The following FAM13A variants were observed in gnomAD, a reference collection of about 807,000 sequenced individuals.
FAM13A encodes protein FAM13A.
In FAM13A, 76 loss-of-function variants were observed where a neutral mutation model predicts 129.6. The observed-to-expected ratio is 0.59, with a 90% CI of 0.49 to 0.71. The LOEUF (loss-of-function observed/expected upper bound fraction) is 0.71. Among genes scored for constraint, FAM13A ranks in the 30% least tolerant of loss-of-function variants. FAM13A has a pLI of 0.00. For missense variants in FAM13A, 1,108 were observed against 1,249.3 expected, an observed-to-expected ratio of 0.89 and a Z score of 1.70; for synonymous variants, 443 against 449.9, an observed-to-expected ratio of 0.98 and a Z score of 0.20.
chr4:89,000,143 G>A (rs1046111740), intron 3 of FAM13A, among the ~76,000 whole-genome samples: 1 of 152,048 alleles, frequency 6.6e-6, no homozygotes, highest in Non-Finnish European at 1.5e-5. Context: ...AACTATGTTA[G>A]AAAATAGTTA....
Position 88,892,041 on chromosome 4 carries a change from G to A in FAM13A, c.843+14338C>T, listed in dbSNP as rs772470829. ...AAAATAAAACAATTAGCTGGGCATG[G>A]TGGCCACTTGTAGTCTAAGCTATTC... On this transcript the variant is annotated intron_variant, in intron 6 of 23. Coordinates refer to ENST00000264344, the MANE Select transcript of FAM13A (RefSeq NM_014883.4). 3.3e-5 allele frequency among the ~76,000 whole-genome samples: 5 copies of A among 152,132 alleles called. No individual in the cohort carries two copies. In the East Asian group the frequency reaches 9.7e-4, roughly 29 times the overall value.
At chr4:88,758,173 C>T (rs1401582464) in intron 14 of FAM13A, among the ~76,000 whole-genome samples, 2 of 152,002 alleles carry the variant, frequency 1.3e-5, no homozygotes, top group Non-Finnish European at 2.9e-5. Context: ...CCAAAAGTCT[C>T]TAGGAAAAAA....
chr4:88,875,960 C>T (rs1158142229), intron 6 of FAM13A, among the ~76,000 whole-genome samples: 1 of 152,090 alleles, frequency 6.6e-6, no homozygotes, highest in East Asian at 1.9e-4. Flanking sequence ...ACTATGCAGC[C>T]ACAAAAAAGG....
rs578248395 is a variant in FAM13A at position 88,866,058 on chromosome 4, A to AT, written c.844-14876dup. On this transcript the variant is annotated intron_variant, in intron 6 of 23. Transcript: ENST00000264344. ...CACTAATTTTTGTATATATATATAC[A>AT]TTTTTTGAGATGGAATCTTGCTCTT... Among the ~76,000 whole-genome samples the AT allele has an allele frequency of 2.5e-3, 384 of 150,832 alleles. 2 individuals carry two copies. Among genetic ancestry groups the AT allele is most frequent in the African/African-American group, 8.6e-3 (355 of 41,052 alleles).
chr4:88,961,584 G>C (rs571967460), intron 4 of FAM13A, among the ~76,000 whole-genome samples: 247 of 152,046 alleles, frequency 1.6e-3, no homozygotes, highest in Non-Finnish European at 3.2e-3. Context: ...GGCCAGGCTG[G>C]TCTCGAACTC....
intron 3 of FAM13A, among the ~76,000 whole-genome samples, chr4:88,998,579 A>G (rs1252738712): frequency 6.6e-6 from 1 of 152,236 alleles, no homozygotes; most frequent in Non-Finnish European, 1.5e-5. Context: ...GTGAGAAACT[A>G]TAGCTTCGTA....
At chr4:88,826,924 T>G (rs2149861860) in intron 7 of FAM13A, among the ~76,000 whole-genome samples, 1 of 152,208 alleles carries the variant, frequency 6.6e-6, no homozygotes, top group Non-Finnish European at 1.5e-5. Context: ...ACCAAGTGAG[T>G]GTCCCTCAGT....
intron 22 of FAM13A, chr4:88,731,683 C>A: frequency 7.6e-6 from 4 of 523,744 alleles, no homozygotes; most frequent in Non-Finnish European, 3.3e-6. Context: ...GGCACTTTGT[C>A]ATATTTTTCT....
intron 7 of FAM13A, among the ~76,000 whole-genome samples, chr4:88,822,080 A>AT (rs879714046): frequency 1.2e-3 from 179 of 150,926 alleles, no homozygotes; most frequent in African/African-American, 3.5e-3. Context: ...TTGATTTAAA[A>AT]TTTTTTTTTT....
At chr4:88,787,496 GGGTGTATTCAATCAGA>G (rs1257050994) in intron 10 of FAM13A, among the ~76,000 whole-genome samples, 1 of 152,172 alleles carries the variant, frequency 6.6e-6, no homozygotes, top group African/African-American at 2.4e-5. Flanking sequence ...GGAAGCCATA[GGGTGTATTCAATCAGA>G]GGTGGCTTCT....
chr4:89,010,398 G>A, intron 3 of FAM13A, among the ~76,000 whole-genome samples: 1 of 152,160 alleles, frequency 6.6e-6, no homozygotes, highest in Non-Finnish European at 1.5e-5. Context: ...TAAGCCTTTG[G>A]GCTAAGTCCC....
chr4:88,728,110 A>G lies in FAM13A; in HGVS notation c.*423T>C, dbSNP rs1437978459. 6.0e-6 allele frequency: 1 copy of G among 166,100 alleles called. No individual in the cohort carries two copies. The highest frequency in any genetic ancestry group is 1.6e-4 in the East Asian group (1 of 6,194). The allele number at this position is 166,100 out of a possible 1,614,324, so 10.3% of individuals were successfully genotyped here. A position where few individuals can be genotyped will look rare whatever the true frequency, so the allele number is the denominator to read the frequency against. On this transcript the variant is annotated 3_prime_UTR_variant, in exon 24 of 24. Transcript: ENST00000264344. The stretch of plus-strand genomic sequence containing the variant: ...CTCCACAGCAAGTTTGCTCTATAGA[A>G]TAAAGTCCTGAGCTTGTTTTTATCA...
At chr4:88,796,900 TCTA>T (rs1726300383) in intron 8 of FAM13A, among the ~76,000 whole-genome samples, 6 of 152,104 alleles carry the variant, frequency 3.9e-5, no homozygotes, top group Admixed American at 3.9e-4. Flanking sequence ...TATGCACAAT[TCTA>T]CTATGGTTGC....
intron 2 of FAM13A, among the ~76,000 whole-genome samples, chr4:89,022,259 T>C (rs898452923): frequency 2.0e-5 from 3 of 152,170 alleles, no homozygotes; most frequent in Non-Finnish European, 4.4e-5. Flanking sequence ...TTTTAAGTTC[T>C]TTAATTCAAC....
chr4:88,840,758 T>C (rs1021143373), intron 7 of FAM13A, among the ~76,000 whole-genome samples: 2 of 152,046 alleles, frequency 1.3e-5, no homozygotes, highest in Non-Finnish European at 2.9e-5. Flanking sequence ...CATATCTCTA[T>C]TGAATTGAAA....
At chr4:88,988,766 G>T (rs6815703) in intron 4 of FAM13A, among the ~76,000 whole-genome samples, 105,649 of 151,990 alleles carry the variant, frequency 0.7, 36,830 homozygotes, top group Middle Eastern at 0.79. Context: ...TGGATCATTT[G>T]AGAAGAATAA....
chr4:88,945,799 G>A (rs994444289), intron 4 of FAM13A, among the ~76,000 whole-genome samples: 6 of 136,544 alleles, frequency 4.4e-5, no homozygotes, highest in Admixed American at 7.5e-5. Context: ...ATATATATAA[G>A]TATATATATA....
intron 4 of FAM13A, among the ~76,000 whole-genome samples, chr4:88,944,670 G>A (rs528560174): frequency 1.7e-4 from 26 of 152,308 alleles, no homozygotes; most frequent in Admixed American, 6.5e-4. Flanking sequence ...GGGAGGCCGA[G>A]GCAGGTAGAT....
chr4:88,748,385 TA>T (rs2149464093), intron 17 of FAM13A, among the ~76,000 whole-genome samples: 1 of 152,362 alleles, frequency 6.6e-6, no homozygotes, highest in African/African-American at 2.4e-5. Flanking sequence ...GAGAAAGCTT[TA>T]GCCACATCAG....
Sources: allele counts gnomAD v4.1 joint callset (sites outside exome capture counted in the v4.1 genomes callset), GRCh38; gene constraint gnomAD v4.1.1; transcripts MANE v1.5; gene names NCBI Gene and HGNC (gene_info 2026-07-23, HGNC 2026-07-21).